Variants in PLAG1 observed in about 807,000 individuals in gnomAD.
PLAG1 encodes the protein PLAG1 zinc finger, also known as zinc finger protein PLAG1.
A neutral mutation model predicts 35.5 loss-of-function variants in PLAG1; 7 were observed. That is an observed-to-expected ratio of 0.20 (90% CI 0.11 to 0.37). The LOEUF (loss-of-function observed/expected upper bound fraction) is 0.37, where lower values mean the gene tolerates loss of function less well. PLAG1 is among the 10% of genes least tolerant of loss of function. The pLI is 1.00. For missense variants in PLAG1, 454 were observed against 602.8 expected (o/e 0.75, Z 2.58); for synonymous variants, 229 against 225.4 (o/e 1.02, Z -0.14).
At chr8:56,204,809 C>A (rs1812652804) in intron 1 of PLAG1, among the ~76,000 whole-genome samples, 1 of 151,664 alleles carries the variant, frequency 6.6e-6, no homozygotes, top group Non-Finnish European at 1.5e-5. Context: ...CTCTCATTCT[C>A]AAAAAAGAAG....
At chr8:56,181,346 A>G (rs1811858181) in intron 1 of PLAG1, among the ~76,000 whole-genome samples, 1 of 152,250 alleles carries the variant, frequency 6.6e-6, no homozygotes, top group African/African-American at 2.4e-5. Flanking sequence ...GACTGGATTA[A>G]GAAAATGTGG....
At chr8:56,188,679 T>A (rs1812091644) in intron 1 of PLAG1, among the ~76,000 whole-genome samples, 3 of 152,224 alleles carry the variant, frequency 2.0e-5, no homozygotes, top group African/African-American at 7.2e-5. Context: ...TTCTCATGTA[T>A]CCACCTGTGC....
Position 56,197,900 on chromosome 8 carries a change from G to A in PLAG1, c.-322+13221C>T, listed in dbSNP as rs1006033655. Reference sequence around the variant, plus strand: ...GAGCAGGGAACAGGGTGGGTAGGGAGCAGCAGAGACAAACTTAACCACCTT... The same window carrying A: ...GAGCAGGGAACAGGGTGGGTAGGGAACAGCAGAGACAAACTTAACCACCTT... On this transcript the variant is annotated intron_variant, in intron 1 of 4. Coordinates refer to ENST00000316981, the MANE Select transcript of PLAG1 (RefSeq NM_002655.3). 2.2e-4 allele frequency among the ~76,000 whole-genome samples: 34 copies of A among 152,276 alleles called. 1 individual carries two copies. The highest frequency in any genetic ancestry group is 3.3e-4 in the Admixed American group (5 of 15,300).
chr8:56,171,623 T>C (rs1811526931), intron 2 of PLAG1, among the ~76,000 whole-genome samples: 1 of 152,162 alleles, frequency 6.6e-6, no homozygotes. Context: ...AGGCTCCCGG[T>C]GAAAGCACTC....
chr8:56,210,413 C>G (rs893915309), intron 1 of PLAG1, among the ~76,000 whole-genome samples: 3 of 151,932 alleles, frequency 2.0e-5, no homozygotes, highest in Non-Finnish European at 4.4e-5. Context: ...CCCTACCCCC[C>G]CTCGCAGCCA....
In PLAG1 at chr8:56,174,988, A is replaced by T. The variant is rs142028712; in HGVS notation, c.-216-3799T>A. Among the ~76,000 whole-genome samples the T allele has an allele frequency of 2.1e-3, 314 of 152,326 alleles. 1 individual carries two copies. Among genetic ancestry groups the T allele is most frequent in the African/African-American group, 6.9e-3 (287 of 41,574 alleles). On this transcript the variant is annotated intron_variant, in intron 2 of 4. Transcript: ENST00000316981. ...ATCTGTGAATTTTGGTATCCCAGGG[A>T]AGTCCTGAAACTAATCCCTCATGGA...
chr8:56,201,163 A>G (rs1050427411), intron 1 of PLAG1, among the ~76,000 whole-genome samples: 6 of 152,200 alleles, frequency 3.9e-5, no homozygotes, highest in Non-Finnish European at 7.3e-5. Context: ...AAATTCTTTT[A>G]ACTCTCCTGG....
In PLAG1 at chr8:56,166,715, G is replaced by T. The variant is rs368383495; in HGVS notation, c.1031C>A (p.Ser344Tyr). The T allele has an allele frequency of 1.2e-6, 2 of 1,613,906 alleles. No individual in the cohort carries two copies. Among genetic ancestry groups the T allele is most frequent in the Non-Finnish European group, 1.7e-6 (2 of 1,179,958 alleles). ...TAATGGCTGTTCTTTTTCAGGAATAGAAATTGCATATGAGGTAGAACTGAA... is the reference window on the plus strand; with the variant it reads ...TAATGGCTGTTCTTTTTCAGGAATATAAATTGCATATGAGGTAGAACTGAA... ...YPFSSTSYAISIPEKEQPLKG... is the reference protein window; with the variant it reads ...YPFSSTSYAIYIPEKEQPLKG... Residue 344 changes from serine to tyrosine, a missense_variant, in exon 5 of 5, where the codon TCT becomes TAT. By Grantham distance (144) the Ser-to-Tyr change is moderately radical. This residue lies in a region of PLAG1 where 271 missense variants were observed against 315.6 expected (regional missense o/e 0.86). Transcript: ENST00000316981.
rs752384637 is a variant in PLAG1 at position 56,182,407 on chromosome 8, G to C, written c.-321-2894C>G. On this transcript the variant is annotated intron_variant, in intron 1 of 4. Transcript: ENST00000316981. ...TGGTTAATTGCTGATAGAGCCTAAAGATCACCTCTATGAGGCAAAATCAGC... is the reference window on the plus strand; with the variant it reads ...TGGTTAATTGCTGATAGAGCCTAAACATCACCTCTATGAGGCAAAATCAGC... 5.3e-5 allele frequency among the ~76,000 whole-genome samples: 8 copies of C among 152,274 alleles called. 1 individual carries two copies. The South Asian group carries it at 1.2e-3, about 24-fold the overall frequency.
chr8:56,176,361 C>T lies in PLAG1; in HGVS notation c.-217+3048G>A, dbSNP rs77787173. Among the ~76,000 whole-genome samples, 483 of 144,516 alleles carry T rather than the reference C, an allele frequency of 3.3e-3. 10 individuals carry two copies. In the East Asian group the frequency reaches 0.057, roughly 17 times the overall value. 94.8% of individuals were successfully genotyped at this position (144,516 alleles called of 152,430 possible). On this transcript the variant is annotated intron_variant, in intron 2 of 4. Transcript: ENST00000316981. ...AGCCACCATGCCCAACTGAAAGCTC[C>T]CTTCTAATGATCCACAACTTAGAAG... is the stretch of plus-strand genomic sequence containing the variant.
chr8:56,180,360 T>C (rs925905149), intron 1 of PLAG1, among the ~76,000 whole-genome samples: 2 of 152,236 alleles, frequency 1.3e-5, no homozygotes, highest in African/African-American at 2.4e-5. Context: ...ATGGTTCCAG[T>C]CTGAGTTACT....
intron 1 of PLAG1, among the ~76,000 whole-genome samples, chr8:56,190,611 G>A (rs531472194): frequency 3.9e-5 from 6 of 152,190 alleles, no homozygotes; most frequent in African/African-American, 1.4e-4. Flanking sequence ...TCAGCTGAAG[G>A]GGAAGGTACA....
chr8:56,174,638 G>A (rs1205078312), intron 2 of PLAG1, among the ~76,000 whole-genome samples: 1 of 152,156 alleles, frequency 6.6e-6, no homozygotes, highest in Non-Finnish European at 1.5e-5. Flanking sequence ...GTGCTTACCA[G>A]CATCACAATG....
chr8:56,208,763 T>C (rs995705191), intron 1 of PLAG1, among the ~76,000 whole-genome samples: 3 of 152,222 alleles, frequency 2.0e-5, no homozygotes, highest in African/African-American at 7.2e-5. Context: ...TTTTAAATTT[T>C]GAAAATATCG....
At chr8:56,189,554 A>G (rs1812122783) in intron 1 of PLAG1, among the ~76,000 whole-genome samples, 1 of 152,228 alleles carries the variant, frequency 6.6e-6, no homozygotes, top group Admixed American at 6.5e-5. Context: ...CAGTTCTACC[A>G]TCAAGGAGCT....
intron 3 of PLAG1, among the ~76,000 whole-genome samples, chr8:56,169,374 T>C (rs1811449677): frequency 1.3e-5 from 2 of 152,174 alleles, no homozygotes; most frequent in African/African-American, 4.8e-5. Context: ...GTACATATTG[T>C]ACAGCAAGGA....
intron 2 of PLAG1, among the ~76,000 whole-genome samples, chr8:56,175,306 C>G (rs893042379): frequency 6.6e-6 from 1 of 152,194 alleles, no homozygotes. Context: ...AGTGAAAACA[C>G]GCCTGATGCC....
At chr8:56,172,077 T>C (rs1043227364) in intron 2 of PLAG1, among the ~76,000 whole-genome samples, 2 of 152,234 alleles carry the variant, frequency 1.3e-5, no homozygotes, top group Non-Finnish European at 2.9e-5. Flanking sequence ...TCAGAAATCA[T>C]GATTATAAAG....
chr8:56,189,557 A>G (rs1178691161), intron 1 of PLAG1, among the ~76,000 whole-genome samples: 1 of 152,226 alleles, frequency 6.6e-6, no homozygotes, highest in Admixed American at 6.5e-5. Context: ...TTCTACCATC[A>G]AGGAGCTTGG....
Sources: allele counts gnomAD v4.1 joint callset (sites outside exome capture counted in the v4.1 genomes callset), GRCh38; gene constraint gnomAD v4.1.1; regional missense constraint gnomAD v4.1.1; transcripts MANE v1.5; gene names NCBI Gene and HGNC (gene_info 2026-07-23, HGNC 2026-07-21).